ELAVL3: variants seen among roughly 807,000 people sequenced by gnomAD.
The protein encoded by ELAVL3 is ELAV like RNA binding protein 3, also known as ELAV-like protein 3.
In ELAVL3, 8 loss-of-function variants were observed where a neutral mutation model predicts 34.2. The observed-to-expected ratio is 0.23, with a 90% CI of 0.14 to 0.42. The LOEUF (loss-of-function observed/expected upper bound fraction) is 0.42. ELAVL3 is among the 10% of genes least tolerant of loss of function. ELAVL3 has a pLI of 1.00. For missense variants in ELAVL3, 273 were observed against 518.8 expected (o/e 0.53, Z 4.60); for synonymous variants, 209 against 222.1 (o/e 0.94, Z 0.53).
intron 1 of ELAVL3, among the ~76,000 whole-genome samples, chr19:11,469,972 A>G (rs185836738): frequency 5.6e-4 from 85 of 152,258 alleles, no homozygotes; most frequent in Non-Finnish European, 8.8e-5. Flanking sequence ...TGGGAAGATC[A>G]CCTGAGGTCG....
In ELAVL3 at chr19:11,454,759, G is replaced by C. The variant is rs1568377327; in HGVS notation, c.871C>G (p.Leu291Val). The C allele has an allele frequency of 6.2e-7, 1 of 1,614,100 alleles. No homozygotes were observed. Among genetic ancestry groups the C allele is most frequent in the Non-Finnish European group, 8.5e-7 (1 of 1,179,994 alleles). Residue 291 changes from leucine to valine, a missense_variant, in exon 7 of 7, where the codon CTG becomes GTG. By Grantham distance (32) the Leu-to-Val change is conservative. Transcript: ENST00000359227. The surrounding 1 kb of genome is among the most constrained non-coding windows in gnomAD (Gnocchi z 9.2). Reference protein sequence around the residue: ...GAGWCIFVYNLSPEADESVLW... With the variant: ...GAGWCIFVYNVSPEADESVLW... ...ACGCTCTCGTCTGCCTCCGGTGACA[G>C]GTTGTACACGAAGATGCACCAGCCG...
chr19:11,479,942 C>T (rs896328483), intron 1 of ELAVL3, among the ~76,000 whole-genome samples: 1 of 151,480 alleles, frequency 6.6e-6, no homozygotes, highest in African/African-American at 2.4e-5. Context: ...ACCCGCGGGC[C>T]CTCCTCTCCC....
At chr19:11,455,487 A>G (rs1314520277) in intron 6 of ELAVL3, among the ~76,000 whole-genome samples, 1 of 151,948 alleles carries the variant, frequency 6.6e-6, no homozygotes, top group Non-Finnish European at 1.5e-5. Flanking sequence ...GGGTTTCTCC[A>G]TGTTGATCAG....
In ELAVL3 at chr19:11,451,703, G is replaced by C. The variant is rs1201019755; in HGVS notation, c.*2823C>G. On this transcript the variant is annotated 3_prime_UTR_variant, in exon 7 of 7. Transcript: ENST00000359227. ...CCGGCCTGGCCCCCTGCGGGGAGGG[G>C]CTGGCCTCCAGGGAGGGGGCCTGGC... 6 of 151,750 alleles carry C rather than the reference G, an allele frequency of 4.0e-5. No individual in the cohort carries two copies. The highest frequency in any genetic ancestry group is 7.4e-5 in the Non-Finnish European group (5 of 67,838). The allele number at this position is 151,750 out of a possible 1,614,324, so 9.4% of individuals were successfully genotyped here.
chr19:11,467,127 C>T (rs1444377830), intron 1 of ELAVL3, among the ~76,000 whole-genome samples: 6 of 152,090 alleles, frequency 3.9e-5, no homozygotes, highest in Admixed American at 6.6e-5. Flanking sequence ...GCTTTCACAC[C>T]GGAAACGCTT....
rs936537221 is a variant in ELAVL3 at position 11,480,564 on chromosome 19, G to A, written c.9+36C>T. The A allele has an allele frequency of 3.6e-6, 5 of 1,404,738 alleles. No homozygotes were observed. The highest frequency in any genetic ancestry group is 1.6e-5 in the African/African-American group (1 of 64,442). The allele number at this position is 1,404,738 out of a possible 1,614,324, so 87.0% of individuals were successfully genotyped here. Reference sequence around the variant, plus strand: ...CGGAGCCTGGGCCCAACTCCTCCCCGTCCCGATTCCCTTTCGGCGACAGGG... The same window carrying A: ...CGGAGCCTGGGCCCAACTCCTCCCCATCCCGATTCCCTTTCGGCGACAGGG... On this transcript the variant is annotated intron_variant, in intron 1 of 6. Coordinates refer to ENST00000359227, the MANE Select transcript of ELAVL3 (RefSeq NM_001420.4). This position sits in a 1 kb window ranked among gnomAD's most constrained non-coding sequence, Gnocchi z 6.8.
At chr19:11,465,441 CCT>C (rs1436988360) in intron 3 of ELAVL3, among the ~76,000 whole-genome samples, 1 of 152,138 alleles carries the variant, frequency 6.6e-6, no homozygotes, top group Non-Finnish European at 1.5e-5. Flanking sequence ...GTCCTCATGC[CCT>C]GAGGCTTCTG....
intron 1 of ELAVL3, among the ~76,000 whole-genome samples, chr19:11,474,565 C>G (rs1185948949): frequency 2.6e-5 from 4 of 151,772 alleles, no homozygotes; most frequent in African/African-American, 9.7e-5. Context: ...TCCAGCATTG[C>G]ACACCAGCCT....
chr19:11,464,992 C>CA, intron 3 of ELAVL3, among the ~76,000 whole-genome samples: 1 of 122,644 alleles, frequency 8.2e-6, no homozygotes, highest in African/African-American at 3.3e-5. Context: ...CACACACACA[C>CA]CACACACCAC....
chr19:11,452,410 T>G lies in ELAVL3; in HGVS notation c.*2116A>C, dbSNP rs948126353. Reference sequence around the variant, plus strand: ...ATAAATAGTTAACATAGCAATAAGTTAAAACTACAAGAAGCTAAATTCAGC... The same window carrying G: ...ATAAATAGTTAACATAGCAATAAGTGAAAACTACAAGAAGCTAAATTCAGC... On this transcript the variant is annotated 3_prime_UTR_variant, in exon 7 of 7. Coordinates refer to ENST00000359227, the MANE Select transcript of ELAVL3 (RefSeq NM_001420.4). The G allele has an allele frequency of 6.7e-6, 1 of 149,542 alleles. No homozygotes were observed. Among genetic ancestry groups the G allele is most frequent in the African/African-American group, 2.4e-5 (1 of 40,852 alleles). 9.3% of individuals were successfully genotyped at this position (149,542 alleles called of 1,614,324 possible). A position where few individuals can be genotyped will look rare whatever the true frequency, so the allele number is the denominator to read the frequency against.
Position 11,458,710 on chromosome 19 carries a change from T to A in ELAVL3, c.334-99A>T. 1 of 1,479,528 alleles carries A rather than the reference T, an allele frequency of 6.8e-7. No individual in the cohort carries two copies. Among genetic ancestry groups the A allele is most frequent in the Non-Finnish European group, 9.2e-7 (1 of 1,087,832 alleles). The allele number at this position is 1,479,528 out of a possible 1,614,324, so 91.7% of individuals were successfully genotyped here. The stretch of plus-strand genomic sequence containing the variant: ...TAAACCATCACGGAGTTAGCAGAAG[T>A]GACCCATCCGTCACTCAATAAGTAT... On this transcript the variant is annotated intron_variant, in intron 3 of 6. Coordinates refer to ENST00000359227, the MANE Select transcript of ELAVL3 (RefSeq NM_001420.4). The surrounding 1 kb of genome is among the most constrained non-coding windows in gnomAD (Gnocchi z 7.3).
intron 3 of ELAVL3, among the ~76,000 whole-genome samples, chr19:11,464,169 T>TATA (rs1568382072): frequency 2.7e-4 from 20 of 72,972 alleles, no homozygotes; most frequent in East Asian, 1.9e-3. Flanking sequence ...ATATATATAT[T>TATA]TTTTTTTTTT....
In ELAVL3 at chr19:11,478,265, G is replaced by C. The variant is rs531974375; in HGVS notation, c.9+2335C>G. Among the ~76,000 whole-genome samples the C allele has an allele frequency of 2.0e-5, 3 of 152,258 alleles. No individual in the cohort carries two copies. In the South Asian group the frequency reaches 6.2e-4, roughly 32 times the overall value. On this transcript the variant is annotated intron_variant, in intron 1 of 6. Coordinates refer to ENST00000359227, the MANE Select transcript of ELAVL3 (RefSeq NM_001420.4). ...AGTGAAGAGGTGACTGGGTGGTTCA[G>C]ACCCAGGTTCTTGAGGCCTAGCCTG...
intron 5 of ELAVL3, among the ~76,000 whole-genome samples, chr19:11,457,664 A>C (rs1014914568): frequency 1.3e-5 from 2 of 152,194 alleles, no homozygotes; most frequent in African/African-American, 4.8e-5. Flanking sequence ...CCCCGTCCAT[A>C]AAACAGGGAC....
intron 3 of ELAVL3, among the ~76,000 whole-genome samples, chr19:11,460,692 A>T (rs1274587727): frequency 6.6e-6 from 1 of 151,756 alleles, no homozygotes; most frequent in African/African-American, 2.4e-5. Flanking sequence ...CAGTTGAAAC[A>T]TCCTCCCTGT....
At chr19:11,473,550 G>C (rs1165875443) in intron 1 of ELAVL3, among the ~76,000 whole-genome samples, 3 of 152,150 alleles carry the variant, frequency 2.0e-5, no homozygotes, top group African/African-American at 7.2e-5. Flanking sequence ...CCAAATATTG[G>C]CTACTACTGT....
chr19:11,467,565 C>T (rs1239399436), intron 1 of ELAVL3, among the ~76,000 whole-genome samples: 2 of 151,370 alleles, frequency 1.3e-5, no homozygotes, highest in African/African-American at 4.9e-5. Context: ...CTTGCTGCAA[C>T]CTCCGCCTCT....
At position 11,454,295 on chromosome 19, in the gene ELAVL3, G is replaced by A; in HGVS notation, c.*231C>T. ...CGAGAGAGTGAACAGCCCAGCCTGG[G>A]GTGGGGGCAGGAGGATGGGGCGGGG... On this transcript the variant is annotated 3_prime_UTR_variant, in exon 7 of 7. Coordinates refer to ENST00000359227, the MANE Select transcript of ELAVL3 (RefSeq NM_001420.4). This position sits in a 1 kb window ranked among gnomAD's most constrained non-coding sequence, Gnocchi z 9.2. 1.8e-6 allele frequency: 1 copy of A among 545,616 alleles called. No homozygotes were observed. The highest frequency in any genetic ancestry group is 3.3e-6 in the Non-Finnish European group (1 of 307,482). 33.8% of individuals were successfully genotyped at this position (545,616 alleles called of 1,614,324 possible).
At chr19:11,461,047 T>C (rs142504881) in intron 3 of ELAVL3, among the ~76,000 whole-genome samples, 18,576 of 148,552 alleles carry the variant, frequency 0.13, 1,551 homozygotes, top group African/African-American at 0.22. Context: ...GGTGTGGTGG[T>C]GCACACCTGT....
Sources: gnomAD v4.1 joint callset for allele counts (sites outside exome capture counted in the v4.1 genomes callset) on GRCh38, gnomAD v4.1.1 for gene constraint, Gnocchi (gnomAD v3.1) non-coding constraint, MANE v1.5 for transcripts, NCBI Gene and HGNC (gene_info 2026-07-23, HGNC 2026-07-21) for gene names.